PALM2AKAP2: variants seen among roughly 807,000 people sequenced by gnomAD.
PALM2AKAP2 encodes the protein PALM2-AKAP2 fusion protein.
In PALM2AKAP2, 37 loss-of-function variants were observed where a neutral mutation model predicts 71.5. That is an observed-to-expected ratio of 0.52 (90% confidence interval 0.40 to 0.68). PALM2AKAP2 has a LOEUF of 0.68. Among genes scored for constraint, PALM2AKAP2 ranks in the 30% least tolerant of loss-of-function variants. The pLI, the probability that PALM2AKAP2 is intolerant of heterozygous loss-of-function variation, is 0.00. For synonymous variants in PALM2AKAP2, 468 were observed against 478.8 expected (o/e 0.98, Z 0.29); for missense variants, 1,224 against 1,191.8 (o/e 1.03, Z -0.40).
intron 1 of PALM2AKAP2, among the ~76,000 whole-genome samples, chr9:110,091,694 C>T (rs531717026): frequency 1.3e-5 from 2 of 151,976 alleles, no homozygotes; most frequent in Non-Finnish European, 2.9e-5. Flanking sequence ...GATCTCCTGA[C>T]CTCATGATCT....
At chr9:109,678,471 T>C (rs1256819098) in intron 1 of PALM2AKAP2, among the ~76,000 whole-genome samples, 3 of 152,240 alleles carry the variant, frequency 2.0e-5, no homozygotes, top group African/African-American at 7.2e-5. Flanking sequence ...ATTGTCTCAA[T>C]TTCAATTGCC....
intron 1 of PALM2AKAP2, among the ~76,000 whole-genome samples, chr9:109,678,157 G>A (rs1827675768): frequency 6.6e-6 from 1 of 152,258 alleles, no homozygotes; most frequent in South Asian, 2.1e-4. Context: ...TTCTTTCATG[G>A]ATGTTCTGCA....
intron 1 of PALM2AKAP2, among the ~76,000 whole-genome samples, chr9:109,644,151 A>C (rs1430237872): frequency 6.6e-6 from 1 of 152,176 alleles, no homozygotes; most frequent in African/African-American, 2.4e-5. Context: ...ACATCTCAAC[A>C]TGATACCTGG....
intron 1 of PALM2AKAP2, among the ~76,000 whole-genome samples, chr9:109,761,461 A>G (rs910506627): frequency 2.6e-4 from 39 of 152,250 alleles, no homozygotes; most frequent in African/African-American, 8.9e-4. Flanking sequence ...GCACCAATCA[A>G]CCTATCATCT....
intron 1 of PALM2AKAP2, chr9:110,048,973 C>A: frequency 7.5e-7 from 1 of 1,328,278 alleles, no homozygotes; most frequent in Non-Finnish European, 9.8e-7. Context: ...GGAAGCACCG[C>A]GGGCTTTTAA....
chr9:109,675,232 C>G (rs544454920), intron 1 of PALM2AKAP2, among the ~76,000 whole-genome samples: 4 of 152,206 alleles, frequency 2.6e-5, no homozygotes, highest in African/African-American at 9.6e-5. Context: ...AAATAGAAAA[C>G]TTATCATGTT....
At chr9:110,097,107 C>A (rs7868181) in intron 1 of PALM2AKAP2, among the ~76,000 whole-genome samples, 17 of 149,632 alleles carry the variant, frequency 1.1e-4, no homozygotes, top group African/African-American at 4.2e-4. Context: ...CGGCCTTCCG[C>A]AGTGTTTGTG....
chr9:110,136,905 G>A, exon 2 of PALM2AKAP2: 2 of 1,614,204 alleles, frequency 1.2e-6, no homozygotes, highest in Admixed American at 1.7e-5. Context: ...AAGGAGAGGA[G>A]AGAGCTCATC....
intron 1 of PALM2AKAP2, among the ~76,000 whole-genome samples, chr9:110,121,229 T>G (rs926698413): frequency 2.0e-5 from 3 of 152,222 alleles, no homozygotes; most frequent in African/African-American, 7.2e-5. Context: ...AACTCCTGTC[T>G]TAAATTGTAA....
chr9:109,840,254 A>G (rs1470280201), intron 1 of PALM2AKAP2, among the ~76,000 whole-genome samples: 1 of 152,232 alleles, frequency 6.6e-6, no homozygotes, highest in Non-Finnish European at 1.5e-5. Context: ...TGACAAAAAC[A>G]AGAAATGGGG....
intron 7 of PALM2AKAP2, among the ~76,000 whole-genome samples, chr9:110,041,888 G>A (rs1833516704): frequency 6.6e-6 from 1 of 152,156 alleles, no homozygotes; most frequent in African/African-American, 2.4e-5. Flanking sequence ...CCTAGAGAAA[G>A]GAACCTGGAA....
intron 1 of PALM2AKAP2, among the ~76,000 whole-genome samples, chr9:110,075,686 T>C (rs1238705237): frequency 6.6e-6 from 1 of 152,116 alleles, no homozygotes; most frequent in Non-Finnish European, 1.5e-5. Context: ...GATCCTAATG[T>C]TTTTACTCAC....
intron 1 of PALM2AKAP2, 87 bp from the exon 8 acceptor site, chr9:110,136,040 C>T: frequency 2.8e-6 from 4 of 1,450,990 alleles, no homozygotes; most frequent in Non-Finnish European, 3.7e-6. Context: ...CATTTTCCTT[C>T]CTCTTAATTA....
chr9:109,851,206 CAACA>C (rs1408701284), intron 1 of PALM2AKAP2, among the ~76,000 whole-genome samples: 2,504 of 52,950 alleles, frequency 0.047, 83 homozygotes, highest in African/African-American at 0.14. Context: ...ACAACAACAA[CAACA>C]AAAAAAAAAA....
chr9:109,871,508 T>C (rs995855908), intron 2 of PALM2AKAP2, among the ~76,000 whole-genome samples: 1 of 152,152 alleles, frequency 6.6e-6, no homozygotes, highest in Admixed American at 6.5e-5. Flanking sequence ...TGTATAATCA[T>C]TGCAAAAACT....
At chr9:110,022,489 C>G (rs1833090377) in intron 7 of PALM2AKAP2, among the ~76,000 whole-genome samples, 1 of 152,124 alleles carries the variant, frequency 6.6e-6, no homozygotes, top group Non-Finnish European at 1.5e-5. Context: ...CCTGCTCTCC[C>G]TCTCTCTTTA....
intron 1 of PALM2AKAP2, among the ~76,000 whole-genome samples, chr9:109,816,399 G>A (rs1282591912): frequency 6.6e-6 from 1 of 152,192 alleles, no homozygotes; most frequent in Non-Finnish European, 1.5e-5. Context: ...ATAAGATAGA[G>A]GAAGCTGGAG....
At chr9:110,014,078 C>A (rs1349124425) in intron 6 of PALM2AKAP2, among the ~76,000 whole-genome samples, 1 of 152,126 alleles carries the variant, frequency 6.6e-6, no homozygotes, top group Non-Finnish European at 1.5e-5. Context: ...GAACTCAAAG[C>A]CTAAAATATT....
At chr9:109,935,818 TTA>T (rs1831206645) in intron 6 of PALM2AKAP2, among the ~76,000 whole-genome samples, 1 of 152,216 alleles carries the variant, frequency 6.6e-6, no homozygotes, top group Non-Finnish European at 1.5e-5. Context: ...CTGAGAGCCT[TTA>T]TATCCCTGCA....
Sources: allele counts gnomAD v4.1 joint callset (sites outside exome capture counted in the v4.1 genomes callset), GRCh38; gene constraint gnomAD v4.1.1; transcripts MANE v1.5; gene names NCBI Gene and HGNC (gene_info 2026-07-23, HGNC 2026-07-21).